Variants in DLGAP4 observed in about 807,000 individuals in gnomAD.
DLGAP4 encodes disks large-associated protein 4.
A neutral mutation model predicts 86.9 loss-of-function variants in DLGAP4; 18 were observed. The ratio of observed to expected loss-of-function variants is 0.21; its 90% confidence interval spans 0.14 to 0.31. DLGAP4 has a LOEUF of 0.31. Among genes scored for constraint, DLGAP4 ranks in the 10% least tolerant of loss-of-function variants. The pLI is 1.00. For synonymous variants in DLGAP4, 548 were observed against 574.3 expected, an observed-to-expected ratio of 0.95 and a Z score of 0.65; for missense variants, 1,085 against 1,362.6, an observed-to-expected ratio of 0.80 and a Z score of 3.21.
intron 7 of DLGAP4, among the ~76,000 whole-genome samples, chr20:36,463,306 C>T (rs2034186351): frequency 6.6e-6 from 1 of 152,194 alleles, no homozygotes; most frequent in Non-Finnish European, 1.5e-5. Flanking sequence ...GCTGGCCTCA[C>T]ACTGTTGTCA....
intron 1 of DLGAP4, among the ~76,000 whole-genome samples, chr20:36,335,069 G>A (rs1222650041): frequency 6.6e-6 from 1 of 152,180 alleles, no homozygotes; most frequent in East Asian, 1.9e-4. Flanking sequence ...GGTTGGAGCT[G>A]GCACCTGAGC....
intron 1 of DLGAP4, among the ~76,000 whole-genome samples, chr20:36,333,012 G>A (rs2065285747): frequency 6.6e-6 from 1 of 152,138 alleles, no homozygotes; most frequent in African/African-American, 2.4e-5. Flanking sequence ...AGTCTGGCTG[G>A]AAAAAGACTT....
intron 1 of DLGAP4, among the ~76,000 whole-genome samples, chr20:36,353,365 A>G (rs575883506): frequency 6.6e-6 from 1 of 152,280 alleles, no homozygotes; most frequent in East Asian, 1.9e-4. Flanking sequence ...GCTGTCCCTG[A>G]AAAGTGGCTG....
intron 1 of DLGAP4, among the ~76,000 whole-genome samples, chr20:36,315,560 T>C (rs1038499383): frequency 3.9e-5 from 6 of 152,022 alleles, no homozygotes; most frequent in Non-Finnish European, 8.8e-5. Context: ...CTGGGGTTGC[T>C]GGATGGTCTG....
In DLGAP4 at chr20:36,317,572, G is replaced by C. The variant is rs1215709043; in HGVS notation, c.-304+11060G>C. The stretch of plus-strand genomic sequence containing the variant: ...GGGATCGAACAATCTTCCTGCCTCA[G>C]CCTCTGGAGTAGCCAGGATTACAGT... On this transcript the variant is annotated intron_variant, in intron 1 of 12. Transcript: ENST00000339266. 2.0e-5 allele frequency among the ~76,000 whole-genome samples: 3 copies of C among 147,566 alleles called. No individual in the cohort carries two copies. The East Asian group carries it at 5.9e-4, about 29-fold the overall frequency.
chr20:36,313,607 G>C (rs1046064138), intron 1 of DLGAP4, among the ~76,000 whole-genome samples: 1,772 of 152,240 alleles, frequency 0.012, 13 homozygotes, highest in Middle Eastern at 0.037. Flanking sequence ...CTGCTGCTGG[G>C]GGGGCAGGGC....
intron 1 of DLGAP4, among the ~76,000 whole-genome samples, chr20:36,342,451 C>T (rs1555892587): frequency 6.6e-6 from 1 of 152,152 alleles, no homozygotes; most frequent in Non-Finnish European, 1.5e-5. Flanking sequence ...CCAGTAGGTT[C>T]CCAGCCTTGA....
At chr20:36,439,622 G>A in intron 4 of DLGAP4, 132 bp from the exon 5 acceptor site, 2 of 718,698 alleles carry the variant, frequency 2.8e-6, no homozygotes, top group South Asian at 3.3e-5. Flanking sequence ...AATACAAGCT[G>A]GTGCTGCCAC....
chr20:36,400,821 G>T (rs576123970), intron 2 of DLGAP4, among the ~76,000 whole-genome samples: 31 of 152,192 alleles, frequency 2.0e-4, no homozygotes, highest in Middle Eastern at 6.8e-3. Context: ...AGTGAAGGAG[G>T]GGGTGGCTGT....
Position 36,527,131 on chromosome 20 carries a change from T to C in DLGAP4, c.*100T>C, listed in dbSNP as rs1427589327. ...CTCAACCTTTGCTATGGTTATTCTGTCTAGAGACCCTGAGCCAACTTTCAA... is the reference window on the plus strand; with the variant it reads ...CTCAACCTTTGCTATGGTTATTCTGCCTAGAGACCCTGAGCCAACTTTCAA... On this transcript the variant is annotated 3_prime_UTR_variant, in exon 13 of 13. Coordinates refer to ENST00000339266, the MANE Select transcript of DLGAP4 (RefSeq NM_001365621.2). The C allele has an allele frequency of 1.6e-6, 2 of 1,281,748 alleles. No homozygotes were observed. The highest frequency in any genetic ancestry group is 1.5e-5 in the African/African-American group (1 of 66,810). The allele number at this position is 1,281,748 out of a possible 1,614,324, so 79.4% of individuals were successfully genotyped here. A position where few individuals can be genotyped will look rare whatever the true frequency, so the allele number is the denominator to read the frequency against.
chr20:36,356,404 T>C lies in DLGAP4; in HGVS notation c.-303-10641T>C, dbSNP rs575968032. Among the ~76,000 whole-genome samples the C allele has an allele frequency of 2.5e-4, 38 of 152,276 alleles. No individual in the cohort carries two copies. The Middle Eastern group carries it at 0.014, about 55-fold the overall frequency. ...TTGGCTCACTGCAACCTCCGCCTCCTGGGTTCAAGCAATTCTCCTGCCTCA... is the reference window on the plus strand; with the variant it reads ...TTGGCTCACTGCAACCTCCGCCTCCCGGGTTCAAGCAATTCTCCTGCCTCA... On this transcript the variant is annotated intron_variant, in intron 1 of 12. Coordinates refer to ENST00000339266, the MANE Select transcript of DLGAP4 (RefSeq NM_001365621.2).
intron 2 of DLGAP4, among the ~76,000 whole-genome samples, chr20:36,389,267 C>G (rs752040413): frequency 6.6e-6 from 1 of 152,104 alleles, no homozygotes; most frequent in Non-Finnish European, 1.5e-5. Context: ...ATTGCATAGA[C>G]GTAGTTTTAT....
chr20:36,396,946 C>T lies in DLGAP4; in HGVS notation c.-73+29671C>T, dbSNP rs150131746. Among the ~76,000 whole-genome samples, 7 of 152,294 alleles carry T rather than the reference C, an allele frequency of 4.6e-5. No homozygotes were observed. In the East Asian group the frequency reaches 1.4e-3, roughly 29 times the overall value. ...TGACCTGTGCCCCAGGGAGGAGTTT[C>T]TGGGAAGAAAAACCTTGAGGCACCT... is the stretch of plus-strand genomic sequence containing the variant. On this transcript the variant is annotated intron_variant, in intron 2 of 12. Coordinates refer to ENST00000339266, the MANE Select transcript of DLGAP4 (RefSeq NM_001365621.2).
Position 36,446,842 on chromosome 20 carries a change from A to G in DLGAP4, c.1553A>G (p.Gln518Arg). ...SRSHSYLRAI[Q>R]AGCSQEEDSV... The stretch of plus-strand genomic sequence containing the variant: ...AGCCACAGCTACCTGCGTGCCATCC[A>G]GGCAGGCTGCTCGCAGGAGGAGGAC... Residue 518 changes from glutamine (Q) to arginine (R), a missense_variant, in exon 7 of 13, where the codon CAG becomes CGG. Around this residue, in one of 2 missense-constraint regions of DLGAP4, gnomAD observed 1,082 missense variants for 1,344.1 expected, o/e 0.81. Coordinates refer to ENST00000339266, the MANE Select transcript of DLGAP4 (RefSeq NM_001365621.2). 6.2e-7 allele frequency: 1 copy of G among 1,613,112 alleles called. No individual in the cohort carries two copies. Among genetic ancestry groups the G allele is most frequent in the South Asian group, 1.1e-5 (1 of 91,002 alleles).
intron 2 of DLGAP4, among the ~76,000 whole-genome samples, chr20:36,410,535 A>G (rs550073276): frequency 2.0e-5 from 3 of 152,244 alleles, no homozygotes; most frequent in Non-Finnish European, 2.9e-5. Flanking sequence ...TCTGCAAGCT[A>G]TACAAGCATA....
chr20:36,418,121 GTGTA>G (rs2032717890), intron 2 of DLGAP4, among the ~76,000 whole-genome samples: 1 of 150,604 alleles, frequency 6.6e-6, no homozygotes, highest in South Asian at 2.1e-4. Context: ...ATATGTGTGT[GTGTA>G]TGTTTCAGAG....
chr20:36,452,371 G>T (rs1196924305), intron 7 of DLGAP4, among the ~76,000 whole-genome samples: 1 of 152,028 alleles, frequency 6.6e-6, no homozygotes, highest in Non-Finnish European at 1.5e-5. Flanking sequence ...TAGAGATGGG[G>T]TCTCCTTATG....
intron 3 of DLGAP4, among the ~76,000 whole-genome samples, chr20:36,434,845 A>T (rs1020170561): frequency 6.6e-6 from 1 of 152,092 alleles, no homozygotes; most frequent in Non-Finnish European, 1.5e-5. Context: ...GGCAGTGTGC[A>T]TGTGTATGCT....
intron 2 of DLGAP4, among the ~76,000 whole-genome samples, chr20:36,425,037 G>C (rs2032937572): frequency 6.6e-6 from 1 of 152,110 alleles, no homozygotes; most frequent in Non-Finnish European, 1.5e-5. Context: ...TCACAGGCCA[G>C]GGGATGCTGG....
Sources: gnomAD v4.1 joint callset for allele counts (sites outside exome capture counted in the v4.1 genomes callset) on GRCh38, gnomAD v4.1.1 for gene constraint, gnomAD v4.1.1 regional missense constraint, MANE v1.5 for transcripts, NCBI Gene and HGNC (gene_info 2026-07-23, HGNC 2026-07-21) for gene names.